Variants in EIF2B3 observed in about 807,000 individuals in gnomAD.
EIF2B3 encodes translation initiation factor eIF2B subunit gamma.
EIF2B3 carries 20 observed loss-of-function variants against 54.1 expected under a neutral mutation model. The observed-to-expected ratio is 0.37, with a 90% CI of 0.26 to 0.54. The LOEUF (loss-of-function observed/expected upper bound fraction) is 0.54. Among genes scored for constraint, EIF2B3 ranks in the 20% least tolerant of loss-of-function variants. The pLI is 0.86. For missense variants in EIF2B3, 448 were observed against 547.8 expected (o/e 0.82, Z 1.82); for synonymous variants, 153 against 188.1 (o/e 0.81, Z 1.52).
intron 3 of EIF2B3, among the ~76,000 whole-genome samples, chr1:44,951,115 T>C (rs569747963): frequency 1.3e-5 from 2 of 152,346 alleles, no homozygotes; most frequent in Admixed American, 1.3e-4. Context: ...AATTATTTTT[T>C]TTCTCCTTCT....
chr1:44,902,881 C>T (rs2148917911), intron 5 of EIF2B3, among the ~76,000 whole-genome samples: 1 of 148,880 alleles, frequency 6.7e-6, no homozygotes, highest in East Asian at 2.0e-4. Context: ...AAGCGGCTGC[C>T]TGCTTTGGGC....
intron 10 of EIF2B3, among the ~76,000 whole-genome samples, chr1:44,870,458 C>G (rs907035613): frequency 6.6e-6 from 1 of 152,296 alleles, no homozygotes; most frequent in East Asian, 1.9e-4. Context: ...TGTCAACTCT[C>G]CTCTCCCTTA....
At chr1:44,977,033 T>C (rs1269380493) in intron 3 of EIF2B3, among the ~76,000 whole-genome samples, 1 of 152,232 alleles carries the variant, frequency 6.6e-6, no homozygotes, top group East Asian at 1.9e-4. Flanking sequence ...GGGAAAGCCA[T>C]GTACATATTT....
chr1:44,910,937 G>A (rs746791708), intron 5 of EIF2B3, among the ~76,000 whole-genome samples: 17 of 151,630 alleles, frequency 1.1e-4, no homozygotes, highest in South Asian at 2.1e-4. Context: ...AGATTTTGGC[G>A]CACCCATCTC....
intron 3 of EIF2B3, among the ~76,000 whole-genome samples, chr1:44,960,606 C>A (rs1333538986): frequency 6.6e-6 from 1 of 151,898 alleles, no homozygotes; most frequent in Admixed American, 6.6e-5. Context: ...CCACTGCACT[C>A]CAGCCTGGGC....
rs1553177413 is a variant in EIF2B3 at position 44,942,418 on chromosome 1, T to TACATACATATATATATA, written c.295-754_295-753insTATATATATATGTATGT. On this transcript the variant is annotated intron_variant, in intron 3 of 11. Coordinates refer to ENST00000360403, the MANE Select transcript of EIF2B3 (RefSeq NM_020365.5). ...ATATATATATATATATATATATATA[T>TACATACATATATATATA]TTTTTTTTTTTTTTTTTTTTTTTTT... 1.6e-3 allele frequency among the ~76,000 whole-genome samples: 13 copies of TACATACATATATATATA among 8,102 alleles called. 1 individual carries two copies. The highest frequency in any genetic ancestry group is 8.1e-3 in the African/African-American group (12 of 1,476). 5.3% of individuals were successfully genotyped at this position (8,102 alleles called of 152,430 possible).
chr1:44,908,224 T>C lies in EIF2B3; in HGVS notation c.567-10780A>G, dbSNP rs182873432. Among the ~76,000 whole-genome samples, 13 of 152,334 alleles carry C rather than the reference T, an allele frequency of 8.5e-5. No homozygotes were observed. The East Asian group carries it at 2.5e-3, about 29-fold the overall frequency. ...ACTGGGATCCTACTATGTCAGGCCA[T>C]GTATTAGACCTTAGGCCTACAAAGA... On this transcript the variant is annotated intron_variant, in intron 5 of 11. Coordinates refer to ENST00000360403, the MANE Select transcript of EIF2B3 (RefSeq NM_020365.5).
At chr1:44,913,109 T>TA (rs552977811) in intron 5 of EIF2B3, among the ~76,000 whole-genome samples, 5,495 of 103,182 alleles carry the variant, frequency 0.053, 136 homozygotes, top group Admixed American at 0.08. Flanking sequence ...CGGTTTTTGT[T>TA]AAAAAAAAAA....
chr1:44,978,535 G>A (rs1644476917), intron 2 of EIF2B3, 75 bp from the exon 3 acceptor site: 1 of 1,451,258 alleles, frequency 6.9e-7, no homozygotes, highest in Admixed American at 1.8e-5. Flanking sequence ...ATTTCAATTA[G>A]ATTTGGTCTA....
chr1:44,864,951 C>T (rs1437171047), intron 10 of EIF2B3, among the ~76,000 whole-genome samples: 1 of 152,216 alleles, frequency 6.6e-6, no homozygotes, highest in African/African-American at 2.4e-5. Context: ...GGCGTGGCGG[C>T]TTACACCTGT....
chr1:44,968,169 G>T (rs1644364970), intron 3 of EIF2B3, among the ~76,000 whole-genome samples: 1 of 152,014 alleles, frequency 6.6e-6, no homozygotes, highest in Non-Finnish European at 1.5e-5. Flanking sequence ...TGTGAGACCA[G>T]CCTAGGTAAC....
At chr1:44,928,539 T>C (rs1643872763) in intron 4 of EIF2B3, among the ~76,000 whole-genome samples, 1 of 150,404 alleles carries the variant, frequency 6.6e-6, no homozygotes, top group South Asian at 2.2e-4. Flanking sequence ...CTGCAAATAA[T>C]AACCTAGGTC....
At position 44,981,072 on chromosome 1, in the gene EIF2B3, T is replaced by G; in HGVS notation, c.97A>C (p.Lys33Gln). 6.2e-7 allele frequency: 1 copy of G among 1,613,638 alleles called. No individual in the cohort carries two copies. Among genetic ancestry groups the G allele is most frequent in the Non-Finnish European group, 8.5e-7 (1 of 1,179,974 alleles). The change falls in exon 2 of 12, where the codon AAA becomes CAA. Residue 33 changes from lysine (K) to glutamine (Q), a missense_variant. Physicochemically the swap from Lys to Gln is moderately conservative, Grantham distance 53 (BLOSUM62 1). Transcript: ENST00000360403. ...IPKPLLPVGN[K>Q]PLIWYPLNLL... ...TTCAATGGGTACCAAATTAAAGGTT[T>G]GTTCCCAACTGGAAGCAGAGGTTTG...
intron 5 of EIF2B3, among the ~76,000 whole-genome samples, chr1:44,924,668 G>A (rs1038228800): frequency 6.6e-6 from 1 of 152,186 alleles, no homozygotes; most frequent in Non-Finnish European, 1.5e-5. Context: ...TTACAGGCGT[G>A]AGCCACCATG....
At chr1:44,876,698 C>A (rs1193239213) in intron 8 of EIF2B3, among the ~76,000 whole-genome samples, 1 of 137,534 alleles carries the variant, frequency 7.3e-6, no homozygotes, top group African/African-American at 2.9e-5. Context: ...GGAGGTGTAC[C>A]CAACAGCTCA....
At chr1:44,906,503 C>T (rs1419996765) in intron 5 of EIF2B3, among the ~76,000 whole-genome samples, 6 of 152,330 alleles carry the variant, frequency 3.9e-5, no homozygotes, top group South Asian at 2.1e-4. Flanking sequence ...CAGGTTCAAG[C>T]GATTCTCCTG....
At chr1:44,882,858 G>A (rs1655449388) in intron 6 of EIF2B3, among the ~76,000 whole-genome samples, 2 of 150,498 alleles carry the variant, frequency 1.3e-5, no homozygotes, top group Admixed American at 6.6e-5. Flanking sequence ...CAAGTGATCC[G>A]CCTGCTGCAG....
intron 4 of EIF2B3, among the ~76,000 whole-genome samples, chr1:44,940,165 A>C (rs1234294498): frequency 6.6e-6 from 1 of 152,210 alleles, no homozygotes; most frequent in Non-Finnish European, 1.5e-5. Flanking sequence ...TAGATTATTC[A>C]AATCCTAAGT....
chr1:44,949,751 T>C (rs988228572), intron 3 of EIF2B3, among the ~76,000 whole-genome samples: 8 of 152,222 alleles, frequency 5.3e-5, no homozygotes, highest in Non-Finnish European at 1.2e-4. Context: ...TGAAGAATGA[T>C]GATATGCTTG....
Sources: allele counts gnomAD v4.1 joint callset (sites outside exome capture counted in the v4.1 genomes callset), GRCh38; gene constraint gnomAD v4.1.1; transcripts MANE v1.5; gene names NCBI Gene and HGNC (gene_info 2026-07-23, HGNC 2026-07-21).